The following PLN variants were observed in gnomAD, a reference collection of about 807,000 sequenced individuals.
PLN encodes cardiac phospholamban.
A neutral mutation model predicts 3.9 loss-of-function variants in PLN; 1 was observed. The ratio of observed to expected loss-of-function variants is 0.26; its 90% CI spans 0.09 to 1.23. PLN has a LOEUF of 1.23. Among genes scored for constraint, PLN ranks in the 50% most tolerant of loss-of-function variants. The pLI is 0.48. For missense variants in PLN, 59 were observed against 62.7 expected (o/e 0.94, Z 0.20); for synonymous variants, 21 against 20.5 (o/e 1.02, Z -0.07).
rs1226153405 is a variant in PLN at position 118,555,220 on chromosome 6, G to A, written c.-97-3605G>A. Among the ~76,000 whole-genome samples, 4 of 151,930 alleles carry A rather than the reference G, an allele frequency of 2.6e-5. No individual in the cohort carries two copies. In the South Asian group the frequency reaches 6.2e-4, roughly 24 times the overall value. ...GCCGAGGCGGGTGGATCACGAGGTC[G>A]GGAGATCGAGACCATCCTGGCTAAC... On this transcript the variant is annotated intron_variant, in intron 1 of 1. Coordinates refer to ENST00000357525, the MANE Select transcript of PLN (RefSeq NM_002667.5).
At chr6:118,550,952 C>T (rs1210908368) in intron 1 of PLN, among the ~76,000 whole-genome samples, 1 of 151,662 alleles carries the variant, frequency 6.6e-6, no homozygotes, top group Non-Finnish European at 1.5e-5. Context: ...TAAGCAATAC[C>T]TCCTGGAAGG....
intron 1 of PLN, among the ~76,000 whole-genome samples, chr6:118,552,807 T>A (rs73766547): frequency 0.034 from 5,102 of 152,112 alleles, 288 homozygotes; most frequent in African/African-American, 0.12. Context: ...TCCACAGACA[T>A]AAGATACTCT....
At chr6:118,549,738 T>C (rs143934945) in intron 1 of PLN, among the ~76,000 whole-genome samples, 1 of 152,022 alleles carries the variant, frequency 6.6e-6, no homozygotes, top group African/African-American at 2.4e-5. Flanking sequence ...CAAATATCTA[T>C]CAAATTACAT....
At chr6:118,553,100 AT>A (rs1249673956) in intron 1 of PLN, among the ~76,000 whole-genome samples, 1 of 152,058 alleles carries the variant, frequency 6.6e-6, no homozygotes, top group East Asian at 1.9e-4. Context: ...ACTATTTATG[AT>A]TAGACTAACA....
chr6:118,558,658 CACAGAGAGAGAGAGAG>C (rs1779037081), intron 1 of PLN, among the ~76,000 whole-genome samples, 151 bp from the exon 2 acceptor site: 1 of 124,910 alleles, frequency 8.0e-6, no homozygotes, highest in African/African-American at 3.4e-5. Context: ...CACACACACA[CACAGAGAGAGAGAGAG>C]AGAGAGAGAG....
chr6:118,559,100 G>T lies in PLN; in HGVS notation c.*20G>T, dbSNP rs754942529. ...CTCTGAAGTTCTGCTACAACCTCTA[G>T]ATCTGCAGCTTGCCACATCAGCTTA... On this transcript the variant is annotated 3_prime_UTR_variant, in exon 2 of 2. Coordinates refer to ENST00000357525, the MANE Select transcript of PLN (RefSeq NM_002667.5). 3.8e-6 allele frequency: 6 copies of T among 1,592,102 alleles called. No homozygotes were observed. Among genetic ancestry groups the T allele is most frequent in the African/African-American group, 1.3e-5 (1 of 74,446 alleles).
Position 118,559,383 on chromosome 6 carries a change from A to G in PLN, c.*303A>G, listed in dbSNP as rs557568289. The G allele has an allele frequency of 4.2e-5, 16 of 381,406 alleles. No individual in the cohort carries two copies. The highest frequency in any genetic ancestry group is 3.4e-4 in the South Asian group (14 of 40,618). 23.6% of individuals were successfully genotyped at this position (381,406 alleles called of 1,614,324 possible). A position where few individuals can be genotyped will look rare whatever the true frequency, so the allele number is the denominator to read the frequency against. On this transcript the variant is annotated 3_prime_UTR_variant, in exon 2 of 2. Transcript: ENST00000357525. Reference sequence around the variant, plus strand: ...TCCCAAATCTTTTCTGAAGATGAAGAGTTTAGTTTTAAAACTGCACTGCCA... The same window carrying G: ...TCCCAAATCTTTTCTGAAGATGAAGGGTTTAGTTTTAAAACTGCACTGCCA...
intron 1 of PLN, among the ~76,000 whole-genome samples, chr6:118,551,967 C>T (rs935164178): frequency 1.3e-5 from 2 of 151,958 alleles, no homozygotes; most frequent in Non-Finnish European, 2.9e-5. Context: ...AGGGTATATG[C>T]ACATTCACTT....
rs2114971164 is a variant in PLN at position 118,559,240 on chromosome 6, A to C, written c.*160A>C. On this transcript the variant is annotated 3_prime_UTR_variant, in exon 2 of 2. Coordinates refer to ENST00000357525, the MANE Select transcript of PLN (RefSeq NM_002667.5). The stretch of plus-strand genomic sequence containing the variant: ...TAAGACTAAAACTTATTGTTACCAT[A>C]TGTATTCATCTGTTGGATCTTGTAA... 2 of 709,892 alleles carry C rather than the reference A, an allele frequency of 2.8e-6. No individual in the cohort carries two copies. Among genetic ancestry groups the C allele is most frequent in the East Asian group, 5.2e-5 (2 of 38,834 alleles). 44.0% of individuals were successfully genotyped at this position (709,892 alleles called of 1,614,324 possible).
rs948770856 is a variant in PLN, at chr6:118,560,778, A to G, written c.*1698A>G. 5 of 158,492 alleles carry G rather than the reference A, an allele frequency of 3.2e-5. No homozygotes were observed. The highest frequency in any genetic ancestry group is 2.0e-4 in the Admixed American group (3 of 15,290). The allele number at this position is 158,492 out of a possible 1,614,324, so 9.8% of individuals were successfully genotyped here. On this transcript the variant is annotated 3_prime_UTR_variant, in exon 2 of 2. Transcript: ENST00000357525. Reference sequence around the variant, plus strand: ...CAGAACATCTTCCAATAACTCATAAAACAACTGAAGTAAAATTGAGTGCTG... The same window carrying G: ...CAGAACATCTTCCAATAACTCATAAGACAACTGAAGTAAAATTGAGTGCTG...
Position 118,549,997 on chromosome 6 carries a change from A to G in PLN, c.-98+1605A>G, listed in dbSNP as rs182150540. Among the ~76,000 whole-genome samples, 7 of 152,058 alleles carry G rather than the reference A, an allele frequency of 4.6e-5. No homozygotes were observed. The East Asian group carries it at 1.3e-3, about 29-fold the overall frequency. On this transcript the variant is annotated intron_variant, in intron 1 of 1. Coordinates refer to ENST00000357525, the MANE Select transcript of PLN (RefSeq NM_002667.5). ...TCATCTATACCTTAAGGTGCAAGTT[A>G]AGTATTATCTTTGTTTATGAAGACA...
intron 1 of PLN, among the ~76,000 whole-genome samples, chr6:118,550,471 C>A (rs192893328): frequency 6.6e-6 from 1 of 151,892 alleles, no homozygotes; most frequent in Admixed American, 6.6e-5. Flanking sequence ...GGCCAATGAA[C>A]ACTTCTTTTT....
At chr6:118,552,584 G>T (rs1444622993) in intron 1 of PLN, among the ~76,000 whole-genome samples, 1 of 151,602 alleles carries the variant, frequency 6.6e-6, no homozygotes, top group Non-Finnish European at 1.5e-5. Flanking sequence ...TTAGTCAAAA[G>T]ATTAGAGTTG....
intron 1 of PLN, among the ~76,000 whole-genome samples, chr6:118,550,128 G>C (rs1412671272): frequency 6.6e-6 from 1 of 151,880 alleles, no homozygotes; most frequent in Non-Finnish European, 1.5e-5. Flanking sequence ...ACGCATGAAA[G>C]AGCCAGAGTA....
At chr6:118,554,838 T>A (rs913117433) in intron 1 of PLN, among the ~76,000 whole-genome samples, 2 of 152,106 alleles carry the variant, frequency 1.3e-5, no homozygotes, top group Non-Finnish European at 2.9e-5. Context: ...TAGAACAACA[T>A]GTGCAAAGAA....
chr6:118,553,293 C>T (rs531607957), intron 1 of PLN, among the ~76,000 whole-genome samples: 1 of 150,442 alleles, frequency 6.6e-6, no homozygotes, highest in Non-Finnish European at 1.5e-5. Context: ...GACAACCATG[C>T]CATAAATTAT....
At chr6:118,554,787 G>C (rs1778754490) in intron 1 of PLN, among the ~76,000 whole-genome samples, 1 of 152,194 alleles carries the variant, frequency 6.6e-6, no homozygotes, top group Non-Finnish European at 1.5e-5. Flanking sequence ...AAGCTTGCAT[G>C]GCAGACAATC....
rs543084284 is a variant in PLN, at chr6:118,556,575, T to A, written c.-97-2250T>A. Among the ~76,000 whole-genome samples the A allele has an allele frequency of 4.6e-5, 7 of 152,294 alleles. No individual in the cohort carries two copies. In the South Asian group the frequency reaches 1.5e-3, roughly 32 times the overall value. ...TTGCCATTCTTTCAGCACTTCCTTC[T>A]GCTCCCTTCAGCACTTTCCTCTCTC... On this transcript the variant is annotated intron_variant, in intron 1 of 1. Transcript: ENST00000357525.
chr6:118,556,535 T>C (rs953447940), intron 1 of PLN, among the ~76,000 whole-genome samples: 1 of 152,200 alleles, frequency 6.6e-6, no homozygotes, highest in Non-Finnish European at 1.5e-5. Context: ...TCATGCCTGA[T>C]ACTTACCTTC....
Sources: gnomAD v4.1 joint callset for allele counts (sites outside exome capture counted in the v4.1 genomes callset) on GRCh38, gnomAD v4.1.1 for gene constraint, MANE v1.5 for transcripts, NCBI Gene and HGNC (gene_info 2026-07-23, HGNC 2026-07-21) for gene names.